LINGO1: variants seen among roughly 807,000 people sequenced by gnomAD.
LINGO1 encodes leucine rich repeat and Ig domain containing 1.
In LINGO1, 11 loss-of-function variants were observed where a neutral mutation model predicts 37.3. The observed-to-expected ratio is 0.29, with a 90% CI of 0.19 to 0.49. LINGO1 has a LOEUF of 0.49. Among genes scored for constraint, LINGO1 ranks in the 20% least tolerant of loss-of-function variants. LINGO1 has a pLI of 0.99. For missense variants in LINGO1, 585 were observed against 878.2 expected (o/e 0.67, Z 4.22); for synonymous variants, 387 against 403.0 (o/e 0.96, Z 0.48).
chr15:77,688,788 A>C (rs1481317782), intron 2 of LINGO1, among the ~76,000 whole-genome samples: 1 of 152,260 alleles, frequency 6.6e-6, no homozygotes, highest in Admixed American at 6.5e-5. Context: ...GAGAAAGAAG[A>C]AGCCACAGAC....
intron 3 of LINGO1, chr15:77,666,814 T>C (rs987544398): frequency 2.0e-5 from 3 of 152,244 alleles, no homozygotes; most frequent in Non-Finnish European, 4.4e-5. Flanking sequence ...CCTGCCACTA[T>C]GAGTTGTTGG....
chr15:77,634,690 C>T (rs1391779685), upstream of LINGO1, among the ~76,000 whole-genome samples: 1 of 152,128 alleles, frequency 6.6e-6, no homozygotes, highest in Non-Finnish European at 1.5e-5. Flanking sequence ...CCCTCCCTGC[C>T]AGAGCCCAGC....
At chr15:77,661,753 C>G (rs1029383316) in intron 3 of LINGO1, among the ~76,000 whole-genome samples, 2 of 152,222 alleles carry the variant, frequency 1.3e-5, no homozygotes, top group South Asian at 2.1e-4. Context: ...CCCTTCCCAG[C>G]GGGGCCTGAG....
At chr15:77,800,822 A>C (rs1295461408) in intron 1 of LINGO1, among the ~76,000 whole-genome samples, 2 of 152,250 alleles carry the variant, frequency 1.3e-5, no homozygotes, top group South Asian at 4.1e-4. Context: ...GAGCCCCTAC[A>C]AATCAATAAG....
At chr15:77,806,318 CATT>C (rs2076959316) in intron 1 of LINGO1, among the ~76,000 whole-genome samples, 1 of 152,022 alleles carries the variant, frequency 6.6e-6, no homozygotes, top group Non-Finnish European at 1.5e-5. Flanking sequence ...TATTTTCTAT[CATT>C]AATGGTTTTG....
chr15:77,782,727 C>T (rs947968562), intron 1 of LINGO1, among the ~76,000 whole-genome samples: 1 of 151,880 alleles, frequency 6.6e-6, no homozygotes, highest in Non-Finnish European at 1.5e-5. Context: ...TCGCCATCTG[C>T]ACCCCCACCC....
In LINGO1 at chr15:77,727,456, G is replaced by A. The variant is rs555445836; in HGVS notation, c.-195+7536C>T. ...CACATGCCACAGTATGGATGAACAC[G>A]GAGGACATTATGCTATGTGAAATAA... is the stretch of plus-strand genomic sequence containing the variant. On this transcript the variant is annotated intron_variant, in intron 2 of 3. Coordinates refer to the LINGO1 transcript ENST00000561686. Among the ~76,000 whole-genome samples, 17 of 152,276 alleles carry A rather than the reference G, an allele frequency of 1.1e-4. 1 individual carries two copies. Among genetic ancestry groups the A allele is most frequent in the African/African-American group, 3.4e-4 (14 of 41,544 alleles).
At chr15:77,653,689 T>C (rs960932671) in intron 3 of LINGO1, among the ~76,000 whole-genome samples, 6 of 152,140 alleles carry the variant, frequency 3.9e-5, no homozygotes, top group Non-Finnish European at 7.4e-5. Flanking sequence ...CCTCGGGAAG[T>C]TGCTACTTGT....
chr15:77,689,196 G>A (rs1241280199), intron 2 of LINGO1, among the ~76,000 whole-genome samples: 4 of 152,200 alleles, frequency 2.6e-5, no homozygotes, highest in Admixed American at 2.6e-4. Flanking sequence ...CAAGTGCAGA[G>A]CCTGGGTGTG....
At chr15:77,791,302 C>T (rs2076816650), upstream of LINGO1, among the ~76,000 whole-genome samples, 1 of 152,018 alleles carries the variant, frequency 6.6e-6, no homozygotes, top group Admixed American at 6.6e-5. Context: ...TTGGGGTGAC[C>T]AGACAGGATA....
chr15:77,623,458 A>G (rs1467490321), intron 1 of LINGO1, among the ~76,000 whole-genome samples: 1 of 152,220 alleles, frequency 6.6e-6, no homozygotes, highest in African/African-American at 2.4e-5. Flanking sequence ...ATAATGGCAT[A>G]AGGTAGGAGC....
chr15:77,807,248 T>C (rs1328886276), intron 1 of LINGO1, among the ~76,000 whole-genome samples: 1 of 152,174 alleles, frequency 6.6e-6, no homozygotes, highest in Non-Finnish European at 1.5e-5. Flanking sequence ...AACTCAGTAA[T>C]GTAGTGATTA....
chr15:77,791,303 A>C (rs2076816673), upstream of LINGO1, among the ~76,000 whole-genome samples: 1 of 152,140 alleles, frequency 6.6e-6, no homozygotes. Context: ...TGGGGTGACC[A>C]GACAGGATAG....
chr15:77,645,221 C>T (rs2074598094), intron 3 of LINGO1, among the ~76,000 whole-genome samples: 1 of 152,198 alleles, frequency 6.6e-6, no homozygotes, highest in Admixed American at 6.5e-5. Flanking sequence ...CCATTCCCAA[C>T]ACCAGGGGCT....
chr15:77,621,516 T>C (rs1198817775), intron 1 of LINGO1, among the ~76,000 whole-genome samples: 1 of 152,208 alleles, frequency 6.6e-6, no homozygotes, highest in Non-Finnish European at 1.5e-5. Flanking sequence ...CTAGTTGGGC[T>C]GCCTGCTCCA....
At chr15:77,759,006 A>G (rs902029809) in intron 1 of LINGO1, among the ~76,000 whole-genome samples, 1 of 152,046 alleles carries the variant, frequency 6.6e-6, no homozygotes, top group African/African-American at 2.4e-5. Context: ...TAACAGAGAG[A>G]GCACCTGAGA....
At position 77,686,570 on chromosome 15, in the gene LINGO1, C is replaced by T. The variant is rs562864987; in HGVS notation, c.-99+4150G>A. Among the ~76,000 whole-genome samples the T allele has an allele frequency of 1.6e-3, 251 of 152,322 alleles. 8 individuals carry two copies. The South Asian group carries it at 0.026, about 16-fold the overall frequency. On this transcript the variant is annotated intron_variant, in intron 2 of 3. Transcript: ENST00000559893. The stretch of plus-strand genomic sequence containing the variant: ...GCAGGGTGTCATCATCAGCCCAGTG[C>T]CCCCACCGTCAACCCTCTCACAGGT...
At chr15:77,638,048 G>A (rs1355605225), upstream of LINGO1, among the ~76,000 whole-genome samples, 1 of 152,270 alleles carries the variant, frequency 6.6e-6, no homozygotes, top group Non-Finnish European at 1.5e-5. Flanking sequence ...TAGAAGCAAC[G>A]TAGTCAGCAG....
intron 2 of LINGO1, among the ~76,000 whole-genome samples, chr15:77,706,631 C>G (rs115680505): frequency 6.6e-6 from 1 of 152,222 alleles, no homozygotes; most frequent in Admixed American, 6.5e-5. Flanking sequence ...GCACACAGCT[C>G]CTTCTTATCC....
Sources: allele counts gnomAD v4.1 joint callset (sites outside exome capture counted in the v4.1 genomes callset), GRCh38; gene constraint gnomAD v4.1.1; transcripts MANE v1.5; gene names NCBI Gene and HGNC (gene_info 2026-07-23, HGNC 2026-07-21).